AHRR: variants seen among roughly 807,000 people sequenced by gnomAD.
The protein encoded by AHRR is aryl hydrocarbon receptor repressor.
Under a neutral mutation model 44.0 loss-of-function variants are expected in AHRR, and 28 were observed. That is an observed-to-expected ratio of 0.64 (90% confidence interval 0.47 to 0.87). AHRR has a LOEUF of 0.87. AHRR is among the 40% of genes least tolerant of loss of function. The pLI is 0.00. For missense variants in AHRR, 990 were observed against 953.9 expected (o/e 1.04, Z -0.50); for synonymous variants, 434 against 407.0 (o/e 1.07, Z -0.80).
chr5:350,507 G>A (rs1258196791), intron 2 of AHRR, among the ~76,000 whole-genome samples: 1 of 152,164 alleles, frequency 6.6e-6, no homozygotes, highest in Non-Finnish European at 1.5e-5. Flanking sequence ...TCCGTGGCCT[G>A]TGTCCTCCTG....
intron 2 of AHRR, 130 bp from the exon 3 acceptor site, chr5:353,600 T>C: frequency 2.5e-6 from 2 of 814,080 alleles, no homozygotes; most frequent in Non-Finnish European, 3.8e-6. Context: ...GCTTTAGTCC[T>C]CTTCCCGTCT....
At chr5:375,003 G>C (rs937638606) in intron 3 of AHRR, among the ~76,000 whole-genome samples, 2 of 152,140 alleles carry the variant, frequency 1.3e-5, no homozygotes, top group African/African-American at 4.8e-5. Context: ...GGGGTGAGGA[G>C]AGCTCAGAGC....
intron 2 of AHRR, among the ~76,000 whole-genome samples, chr5:350,606 A>AG (rs2126387027): frequency 6.6e-6 from 1 of 152,202 alleles, no homozygotes; most frequent in South Asian, 2.1e-4. Context: ...TCTGCCCACT[A>AG]GGTGCTCCCC....
At chr5:420,144 G>A (rs937345290) in intron 5 of AHRR, among the ~76,000 whole-genome samples, 5 of 152,386 alleles carry the variant, frequency 3.3e-5, no homozygotes, top group East Asian at 1.9e-4. Flanking sequence ...GTTCCTGGAG[G>A]AGAAGGGGGT....
intron 1 of AHRR, among the ~76,000 whole-genome samples, chr5:331,090 T>A (rs374143759): frequency 1.3e-5 from 2 of 151,794 alleles, no homozygotes; most frequent in East Asian, 3.9e-4. Flanking sequence ...TTGGCCAGGA[T>A]GATCTTGATC....
At chr5:400,352 G>C (rs1734962052) in intron 4 of AHRR, among the ~76,000 whole-genome samples, 1 of 152,142 alleles carries the variant, frequency 6.6e-6, no homozygotes, top group South Asian at 2.1e-4. Flanking sequence ...CCCTGGGGGA[G>C]AGCGTGGCTC....
intron 4 of AHRR, among the ~76,000 whole-genome samples, chr5:381,878 G>A (rs541622986): frequency 6.6e-6 from 1 of 151,924 alleles, no homozygotes; most frequent in Admixed American, 6.6e-5. Context: ...TTTATTCCTT[G>A]TTTTCTGAGA....
At chr5:389,873 G>A in intron 4 of AHRR, among the ~76,000 whole-genome samples, 1 of 135,438 alleles carries the variant, frequency 7.4e-6, no homozygotes. Context: ...ACAGAATGAA[G>A]AAAAGACAGA....
At chr5:431,814 CA>C (rs1221899917) in intron 8 of AHRR, among the ~76,000 whole-genome samples, 1 of 152,188 alleles carries the variant, frequency 6.6e-6, no homozygotes, top group East Asian at 1.9e-4. Context: ...ATAGATGGGG[CA>C]TTGTGAGTCT....
rs1224127578 is a variant in AHRR at position 422,803 on chromosome 5, C to G, written c.516C>G (p.His172Gln). Residue 172 changes from histidine to glutamine, a missense_variant, in exon 6 of 11, where the codon CAC (histidine) becomes CAG (glutamine). Transcript: ENST00000684583. ...GCCAGGACTTCTGCCGGCAGCTCCA[C>G]TGGGCCATGGACCCTCCCCAGGTGG... ...DDRQDFCRQL[H>Q]WAMDPPQVVF... The G allele has an allele frequency of 3.7e-6, 6 of 1,614,048 alleles. No homozygotes were observed. The Admixed American group carries it at 5.0e-5, about 13-fold the overall frequency.
intron 3 of AHRR, among the ~76,000 whole-genome samples, chr5:354,964 G>A (rs569880736): frequency 3.9e-4 from 59 of 152,372 alleles, no homozygotes; most frequent in African/African-American, 1.4e-3. Context: ...GCCCCACACT[G>A]AGGGTCTTCC....
chr5:340,605 T>C (rs1211256995), intron 1 of AHRR, among the ~76,000 whole-genome samples: 1 of 142,496 alleles, frequency 7.0e-6, no homozygotes, highest in African/African-American at 2.6e-5. Context: ...TACAGTCACA[T>C]GGAGAGTTAG....
Position 413,365 on chromosome 5 carries a change from G to C in AHRR, c.373G>C (p.Val125Leu). Residue 125 changes from valine (V) to leucine (L), a missense_variant, in exon 5 of 11, where the codon GTC (valine) becomes CTC (leucine). Transcript: ENST00000684583. ...CTAGTCTCTTAATGGCTTTGCTCTGGTCGTGAGTGCAGAAGGGACGATATT... is the reference window on the plus strand; with the variant it reads ...CTAGTCTCTTAATGGCTTTGCTCTGCTCGTGAGTGCAGAAGGGACGATATT... ...LLESLNGFAL[V>L]VSAEGTIFYA... 6.2e-7 allele frequency: 1 copy of C among 1,612,804 alleles called. No homozygotes were observed. Among genetic ancestry groups the C allele is most frequent in the Non-Finnish European group, 8.5e-7 (1 of 1,179,458 alleles).
At chr5:373,337 C>T (rs1743642242) in intron 3 of AHRR, among the ~76,000 whole-genome samples, 2 of 152,246 alleles carry the variant, frequency 1.3e-5, no homozygotes, top group Non-Finnish European at 2.9e-5. Flanking sequence ...GTGGTCCTGG[C>T]AGGGCCCCTC....
chr5:343,102 C>G lies in AHRR; in HGVS notation c.-10-791C>G, dbSNP rs568322272. Among the ~76,000 whole-genome samples the G allele has an allele frequency of 6.6e-5, 10 of 152,310 alleles. No homozygotes were observed. The South Asian group carries it at 1.9e-3, about 28-fold the overall frequency. On this transcript the variant is annotated intron_variant, in intron 1 of 10. Transcript: ENST00000684583. Reference sequence around the variant, plus strand: ...CAAACCGCACAGGGAGATCACACCACAGAGAGGAGATTATGCTGTTGCCCT... The same window carrying G: ...CAAACCGCACAGGGAGATCACACCAGAGAGAGGAGATTATGCTGTTGCCCT...
intron 5 of AHRR, among the ~76,000 whole-genome samples, chr5:420,303 T>A (rs1000506569): frequency 6.6e-6 from 1 of 152,228 alleles, no homozygotes; most frequent in Non-Finnish European, 1.5e-5. Flanking sequence ...CATTCCTTAC[T>A]AGCCCCTGAA....
At chr5:376,837 T>C (rs1733729838) in intron 4 of AHRR, 121 bp downstream of exon 4, 1 of 862,960 alleles carries the variant, frequency 1.2e-6, no homozygotes, top group African/African-American at 1.7e-5. Context: ...GCCCTTAGGT[T>C]GTGAGGTTTA....
At chr5:335,017 G>A (rs768231177) in intron 1 of AHRR, among the ~76,000 whole-genome samples, 1 of 152,150 alleles carries the variant, frequency 6.6e-6, no homozygotes, top group Non-Finnish European at 1.5e-5. Flanking sequence ...ATTGGTGGCG[G>A]CTGTGGTGAA....
intron 4 of AHRR, among the ~76,000 whole-genome samples, chr5:377,215 T>C (rs1258656260): frequency 1.3e-5 from 2 of 152,206 alleles, no homozygotes; most frequent in East Asian, 3.9e-4. Flanking sequence ...CCTGCGACTC[T>C]GAAGTGCTGA....
Sources: allele counts gnomAD v4.1 joint callset (sites outside exome capture counted in the v4.1 genomes callset), GRCh38; gene constraint gnomAD v4.1.1; transcripts MANE v1.5; gene names NCBI Gene and HGNC (gene_info 2026-07-23, HGNC 2026-07-21).